SMIM36: variants seen among roughly 807,000 people sequenced by gnomAD.
The protein encoded by SMIM36 is small integral membrane protein 36.
chr17:55,531,841 A>C, the SMIM36 span, among the ~76,000 whole-genome samples: 1 of 152,188 alleles, frequency 6.6e-6, no homozygotes, highest in African/African-American at 2.4e-5. Context: ...CCCAAGTAGG[A>C]GCTAAACAAA....
At position 55,467,346 on chromosome 17, in the gene SMIM36, AG is replaced by A. The variant is rs1481409024; in HGVS notation, c.*348-19del. On this transcript the variant is annotated intron_variant, in intron 3 of 4. Transcript: ENST00000636752. ...TCCATCACCTATAGGATGAAAACAG[AG>A]ACACCAACCTCAAAGCGTGTTGGAG... 1.3e-5 allele frequency: 2 copies of A among 152,062 alleles called. No individual in the cohort carries two copies. The highest frequency in any genetic ancestry group is 4.8e-5 in the African/African-American group (2 of 41,374). 9.4% of individuals were successfully genotyped at this position (152,062 alleles called of 1,614,324 possible).
chr17:55,525,807 G>A, the SMIM36 span, among the ~76,000 whole-genome samples: 22 of 152,084 alleles, frequency 1.4e-4, no homozygotes, highest in African/African-American at 5.1e-4. Flanking sequence ...ACAGGCAGGC[G>A]CCACCATGCC....
intron 1 of SMIM36, among the ~76,000 whole-genome samples, chr17:55,507,732 AAAAAAAAAAG>A (rs1013132896): frequency 2.6e-5 from 4 of 151,852 alleles, no homozygotes; most frequent in African/African-American, 4.8e-5. Flanking sequence ...GTATAATAAA[AAAAAAAAAAG>A]AAAAAAAAAG....
chr17:55,530,468 C>A, the SMIM36 span, among the ~76,000 whole-genome samples: 1 of 152,132 alleles, frequency 6.6e-6, no homozygotes, highest in Admixed American at 6.6e-5. Context: ...CTAATTAATA[C>A]AGACTGCCCC....
At chr17:55,507,279 G>A (rs1292369777) in intron 1 of SMIM36, among the ~76,000 whole-genome samples, 13 of 80,384 alleles carry the variant, frequency 1.6e-4, no homozygotes, top group African/African-American at 4.1e-4. Context: ...ACATGCACAC[G>A]TATGTTTATT....
chr17:55,503,080 G>C (rs1910021861), intron 1 of SMIM36, among the ~76,000 whole-genome samples: 1 of 129,172 alleles, frequency 7.7e-6, no homozygotes, highest in Admixed American at 8.0e-5. Flanking sequence ...TATGTGAAAA[G>C]ACCAAATCTA....
intron 4 of SMIM36, among the ~76,000 whole-genome samples, chr17:55,464,345 G>T (rs1269848362): frequency 3.9e-5 from 6 of 152,144 alleles, no homozygotes. Context: ...AATTGAGCTT[G>T]TATCTATTGC....
At chr17:55,510,708 T>TGC (rs1365489716) in intron 1 of SMIM36, among the ~76,000 whole-genome samples, 171 bp downstream of exon 1, 1 of 132,976 alleles carries the variant, frequency 7.5e-6, no homozygotes, top group African/African-American at 4.1e-5. Context: ...CACGTGCACG[T>TGC]GCACACACAC....
At chr17:55,485,333 G>T (rs1909586000) in intron 1 of SMIM36, among the ~76,000 whole-genome samples, 1 of 152,146 alleles carries the variant, frequency 6.6e-6, no homozygotes, top group Non-Finnish European at 1.5e-5. Flanking sequence ...CTGTTGCTCA[G>T]GCTGGAGTGC....
intron 1 of SMIM36, among the ~76,000 whole-genome samples, chr17:55,485,370 C>A (rs955551881): frequency 1.3e-5 from 2 of 152,078 alleles, no homozygotes; most frequent in Non-Finnish European, 1.5e-5. Context: ...CTTACTGCAG[C>A]CTCAACCTTC....
intron 3 of SMIM36, among the ~76,000 whole-genome samples, chr17:55,471,701 A>G (rs1459728202): frequency 1.3e-5 from 2 of 152,160 alleles, no homozygotes; most frequent in Non-Finnish European, 2.9e-5. Context: ...GACAGTTCCT[A>G]CACTAGGACT....
chr17:55,474,104 G>T (rs1909386978), intron 3 of SMIM36, among the ~76,000 whole-genome samples: 2 of 152,126 alleles, frequency 1.3e-5, no homozygotes, highest in South Asian at 4.1e-4. Context: ...CCTTAAAAGG[G>T]ATAGGAATTG....
At chr17:55,457,484 TAA>T in intron 4 of SMIM36, among the ~76,000 whole-genome samples, 1 of 146,644 alleles carries the variant, frequency 6.8e-6, no homozygotes, top group East Asian at 2.0e-4. Flanking sequence ...TAGAATAAAA[TAA>T]AATTGACAGC....
In SMIM36 at chr17:55,501,383, A is replaced by ATAAT. The variant is rs1307253523; in HGVS notation, c.*174+9495_*174+9496insATTA. 7.8e-4 allele frequency among the ~76,000 whole-genome samples: 23 copies of ATAAT among 29,392 alleles called. 2 individuals are homozygous for ATAAT. Among genetic ancestry groups the ATAAT allele is most frequent in the African/African-American group, 1.2e-3 (7 of 5,638 alleles). The allele number at this position is 29,392 out of a possible 152,430, so 19.3% of individuals were successfully genotyped here. Reference sequence around the variant, plus strand: ...ATATATAATATATTATATATTATAGAATATAATATATTATATATTATTATA... The same window carrying ATAAT: ...ATATATAATATATTATATATTATAGATAATATATAATATATTATATATTATTATA... On this transcript the variant is annotated intron_variant, in intron 1 of 4. Coordinates refer to ENST00000636752, the Ensembl canonical transcript of SMIM36.
chr17:55,472,091 A>G (rs1029458353), intron 3 of SMIM36, among the ~76,000 whole-genome samples: 1 of 152,146 alleles, frequency 6.6e-6, no homozygotes, highest in Non-Finnish European at 1.5e-5. Flanking sequence ...TTAGCACCCA[A>G]CGCAACTGAA....
intron 1 of SMIM36, among the ~76,000 whole-genome samples, chr17:55,507,933 A>G (rs1371834491): frequency 6.6e-6 from 1 of 152,156 alleles, no homozygotes; most frequent in Non-Finnish European, 1.5e-5. Flanking sequence ...CATAAAAATT[A>G]AAGAGCTCTG....
In SMIM36 at chr17:55,455,250, G is replaced by A. The variant is rs1390765595; in HGVS notation, c.*532-4952C>T. Among the ~76,000 whole-genome samples, 7 of 152,106 alleles carry A rather than the reference G, an allele frequency of 4.6e-5. 2 individuals are homozygous for A. The Middle Eastern group carries it at 0.016, about 344-fold the overall frequency. ...TGGTAGCTTGTGGATTCTTTAACCC[G>A]TGTTGTGTATAGAGTGTAAATCCTC... is the stretch of plus-strand genomic sequence containing the variant. On this transcript the variant is annotated intron_variant, in intron 4 of 4. Coordinates refer to ENST00000636752, the Ensembl canonical transcript of SMIM36.
At chr17:55,467,112 T>C (rs965701342) in intron 4 of SMIM36, 33 bp downstream of exon 4, 2 of 152,130 alleles carry the variant, frequency 1.3e-5, no homozygotes, top group African/African-American at 2.4e-5. Context: ...TTGCTCCAAA[T>C]AGAAACACAA....
rs139502595 is a variant in SMIM36, at chr17:55,497,847, T to G, written c.*174+13032A>C. Among the ~76,000 whole-genome samples the G allele has an allele frequency of 1.1e-4, 17 of 152,284 alleles. No individual in the cohort carries two copies. In the East Asian group the frequency reaches 3.3e-3, roughly 29 times the overall value. On this transcript the variant is annotated intron_variant, in intron 1 of 4. Coordinates refer to ENST00000636752, the Ensembl canonical transcript of SMIM36. ...CAGCATAATGTCACATCCAATAGAA[T>G]CATGTAACTGACCCTAAAGAGCTTT...
Sources: gnomAD v4.1 joint callset for allele counts (sites outside exome capture counted in the v4.1 genomes callset) on GRCh38, gnomAD v4.1.1 for gene constraint, MANE v1.5 for transcripts, NCBI Gene and HGNC (gene_info 2026-07-23, HGNC 2026-07-21) for gene names.